The following CLCN4 variants were observed in gnomAD, a reference collection of about 807,000 sequenced individuals.
The protein encoded by CLCN4 is Cl-/H+ antiporter 4.
CLCN4 carries 1 observed loss-of-function variant against 41.7 expected under a neutral mutation model. The observed-to-expected ratio is 0.02, with a 90% CI of 0.01 to 0.11. CLCN4 has a LOEUF of 0.11. Among genes scored for constraint, CLCN4 ranks in the 10% least tolerant of loss-of-function variants. CLCN4 has a pLI of 1.00. For synonymous variants in CLCN4, 277 were observed against 285.8 expected (o/e 0.97, Z 0.31); for missense variants, 287 against 661.0 (o/e 0.43, Z 6.20).
Position 10,156,987 on chromosome X carries a change from T to C in CLCN4, c.-388T>C, listed in dbSNP as rs957937853. ...GGCCCTCCGGGCTGAAATCGACATT[T>C]GCCTCTGGCAGGAAAATGAGCTTGT... On this transcript the variant is annotated 5_prime_UTR_variant, in exon 1 of 13. Transcript: ENST00000380833. The C allele has an allele frequency of 1.0e-5, 3 of 296,883 alleles. No homozygotes were observed. The highest frequency in any genetic ancestry group is 8.2e-5 in the African/African-American group (3 of 36,748). The allele number at this position is 296,883 out of a possible 1,213,427, so 24.5% of individuals were successfully genotyped here.
chrX:10,191,728 C>G (rs1386283102), intron 4 of CLCN4, among the ~76,000 whole-genome samples: 1 of 61,386 alleles, frequency 1.6e-5, no homozygotes, highest in African/African-American at 8.4e-5. Context: ...TTTGTAGAGA[C>G]AGGATCTTGT....
At chrX:10,228,636 G>T (rs1452104918) in intron 12 of CLCN4, among the ~76,000 whole-genome samples, 1 of 111,669 alleles carries the variant, frequency 9.0e-6, no homozygotes, top group African/African-American at 3.3e-5. Flanking sequence ...GTGTATTATA[G>T]ATTCACCCAC....
chrX:10,230,375 C>T (rs142480657), intron 12 of CLCN4, among the ~76,000 whole-genome samples: 38 of 112,252 alleles, frequency 3.4e-4, no homozygotes, highest in Middle Eastern at 4.6e-3. Flanking sequence ...CTTTTGCAAC[C>T]GTAGAAGCAG....
At chrX:10,212,965 G>A (rs780723476) in intron 10 of CLCN4, among the ~76,000 whole-genome samples, 3 of 111,674 alleles carry the variant, frequency 2.7e-5, no homozygotes, top group Non-Finnish European at 3.8e-5. Context: ...CCTACCAAAC[G>A]TTGTAGCTTA....
intron 2 of CLCN4, among the ~76,000 whole-genome samples, chrX:10,182,430 T>C (rs1342301620): frequency 1.8e-5 from 2 of 112,421 alleles, no homozygotes; most frequent in Admixed American, 1.9e-4. Flanking sequence ...ACCTAGATGA[T>C]TTTTTCCCCC....
In CLCN4 at chrX:10,186,513, G is replaced by A. The variant is rs901564909; in HGVS notation, c.145-1002G>A. Among the ~76,000 whole-genome samples the A allele has an allele frequency of 8.1e-5, 9 of 111,419 alleles. No homozygotes were observed. The Admixed American group carries it at 8.5e-4, about 11-fold the overall frequency. On this transcript the variant is annotated intron_variant, in intron 3 of 12. Coordinates refer to ENST00000380833, the MANE Select transcript of CLCN4 (RefSeq NM_001830.4). The stretch of plus-strand genomic sequence containing the variant: ...TATGGAGAGGTCAGGTAGGAGGCGA[G>A]CCAGCGGCATGGGGGCTGGCGGTGA...
chrX:10,201,538 G>T (rs1175786888), intron 6 of CLCN4, among the ~76,000 whole-genome samples: 2 of 111,868 alleles, frequency 1.8e-5, no homozygotes, highest in Non-Finnish European at 3.8e-5. Flanking sequence ...TCTCCTCCCA[G>T]TCAGCACCCA....
chrX:10,215,984 GCCTGTGGAAATAGAAGAGCCCCTGTA>G (rs1457336390), intron 11 of CLCN4, among the ~76,000 whole-genome samples: 4 of 111,772 alleles, frequency 3.6e-5, no homozygotes. Flanking sequence ...TGTTTTTCTG[GCCTGTGGAAATAGAAGAGCCCCTGTA>G]CTCTGGTGGA....
intron 11 of CLCN4, among the ~76,000 whole-genome samples, chrX:10,216,918 T>TATATATATATATATAC (rs773265490): frequency 8.5e-4 from 33 of 38,917 alleles, no homozygotes; most frequent in African/African-American, 2.8e-3. Flanking sequence ...TATATATATA[T>TATATATATATATATAC]ACACACACAC....
chrX:10,233,022 A>G (rs900879220), intron 12 of CLCN4, among the ~76,000 whole-genome samples: 1 of 112,347 alleles, frequency 8.9e-6, no homozygotes, highest in African/African-American at 3.2e-5. Context: ...AATGCCTTTC[A>G]TAAACCCTTT....
intron 2 of CLCN4, among the ~76,000 whole-genome samples, chrX:10,161,156 T>TCTCTCC (rs1296286035): frequency 9.3e-6 from 1 of 108,046 alleles, no homozygotes; most frequent in African/African-American, 3.4e-5. Flanking sequence ...TCTCTCTCTC[T>TCTCTCC]CTCTCTGTCT....
In CLCN4 at chrX:10,204,613, C is replaced by CTTTTTTT. The variant is rs61453535; in HGVS notation, c.556-1715_556-1709dup. ...CTATTCTCACCAGAAAGCTAGTAGT[C>CTTTTTTT]TTTTTTTTTTTTTTTTTTTTTTTTT... is the stretch of plus-strand genomic sequence containing the variant. On this transcript the variant is annotated intron_variant, in intron 6 of 12. Transcript: ENST00000380833. 7.7e-4 allele frequency among the ~76,000 whole-genome samples: 21 copies of CTTTTTTT among 27,347 alleles called. 7 individuals carry two copies. Among genetic ancestry groups the CTTTTTTT allele is most frequent in the East Asian group, 6.4e-3 (2 of 314 alleles). The allele number at this position is 27,347 out of a possible 115,157, so 23.7% of individuals were successfully genotyped here. A position where few individuals can be genotyped will look rare whatever the true frequency, so the allele number is the denominator to read the frequency against.
At chrX:10,167,866 C>A (rs984417799) in intron 2 of CLCN4, among the ~76,000 whole-genome samples, 4 of 112,629 alleles carry the variant, frequency 3.6e-5, no homozygotes, top group Non-Finnish European at 5.6e-5. Context: ...CTTCAGATAA[C>A]TGAAATGACT....
intron 3 of CLCN4, among the ~76,000 whole-genome samples, 160 bp downstream of exon 3, chrX:10,185,336 T>C (rs976491746): frequency 8.9e-6 from 1 of 111,974 alleles, no homozygotes; most frequent in Non-Finnish European, 1.9e-5. Context: ...GGCAGATCAT[T>C]GTACTAGCAG....
At chrX:10,187,098 C>G (rs1050203647) in intron 3 of CLCN4, among the ~76,000 whole-genome samples, 5 of 111,873 alleles carry the variant, frequency 4.5e-5, no homozygotes, top group African/African-American at 1.3e-4. Flanking sequence ...ACCTTGAAAA[C>G]AAAAGGAGGA....
Position 10,213,937 on chromosome X carries a change from G to C in CLCN4, c.1833G>C (p.Val611=). The change falls in exon 11 of 13, where the codon GTG becomes GTC. Residue 611 remains valine, a synonymous_variant. Coordinates refer to ENST00000380833, the MANE Select transcript of CLCN4 (RefSeq NM_001830.4). ...GGCGGGGAGAGCCGCCACTGTCGGT[G>C]CTCACCCAGGACAGCATGACTGTCG... The part of the protein sequence containing the change: ...RPRRGEPPLS[V]LTQDSMTVED... The C allele has an allele frequency of 8.2e-7, 1 of 1,212,163 alleles. No individual in the cohort carries two copies. The highest frequency in any genetic ancestry group is 1.1e-6 in the Non-Finnish European group (1 of 895,562).
At position 10,212,662 on chromosome X, in the gene CLCN4, A is replaced by G. The variant is rs1444287158; in HGVS notation, c.1576+9A>G. 2 of 1,051,707 alleles carry G rather than the reference A, an allele frequency of 1.9e-6. No homozygotes were observed. Among genetic ancestry groups the G allele is most frequent in the South Asian group, 3.8e-5 (2 of 53,197 alleles). 86.7% of individuals were successfully genotyped at this position (1,051,707 alleles called of 1,213,427 possible). A position where few individuals can be genotyped will look rare whatever the true frequency, so the allele number is the denominator to read the frequency against. On this transcript the variant is annotated intron_variant, in intron 10 of 12. Coordinates refer to ENST00000380833, the MANE Select transcript of CLCN4 (RefSeq NM_001830.4). ...AGCTGCGGCCTGCCTCGGTACGACC[A>G]TGGGTGGGGCAGGGAGGGGGACCGG...
chrX:10,167,327 C>T (rs967503331), intron 2 of CLCN4, among the ~76,000 whole-genome samples: 1 of 111,519 alleles, frequency 9.0e-6, no homozygotes, highest in African/African-American at 3.3e-5. Flanking sequence ...TAAAGGTGCC[C>T]GCATTTTAAA....
intron 6 of CLCN4, among the ~76,000 whole-genome samples, chrX:10,199,601 C>CT (rs1370157891): frequency 8.9e-6 from 1 of 111,892 alleles, no homozygotes; most frequent in African/African-American, 3.3e-5. Context: ...TCCTACATGA[C>CT]TGGGTGCAAT....
Sources: gnomAD v4.1 joint callset for allele counts (sites outside exome capture counted in the v4.1 genomes callset) on GRCh38, gnomAD v4.1.1 for gene constraint, MANE v1.5 for transcripts, NCBI Gene and HGNC (gene_info 2026-07-23, HGNC 2026-07-21) for gene names.